The following ZNF606 variants were observed in gnomAD, a reference collection of about 807,000 sequenced individuals.
ZNF606 encodes zinc finger protein 328.
ZNF606 carries 37 observed loss-of-function variants against 74.9 expected under a neutral mutation model. The observed-to-expected ratio is 0.49, with a 90% confidence interval of 0.38 to 0.65. The LOEUF (loss-of-function observed/expected upper bound fraction) is 0.65, where lower values mean the gene tolerates loss of function less well. Among genes scored for constraint, ZNF606 ranks in the 30% least tolerant of loss-of-function variants. The pLI, the probability that ZNF606 is intolerant of heterozygous loss-of-function variation, is 0.00. For synonymous variants in ZNF606, 328 were observed against 312.4 expected (o/e 1.05, Z -0.53); for missense variants, 852 against 952.9 (o/e 0.89, Z 1.39).
In ZNF606 at chr19:57,979,072, T is replaced by A. The variant is rs779150396; in HGVS notation, c.1608A>T (p.Gly536=). The A allele has an allele frequency of 1.9e-6, 3 of 1,614,064 alleles. No individual in the cohort carries two copies. In the East Asian group the frequency reaches 6.7e-5, roughly 36 times the overall value. The stretch of plus-strand genomic sequence containing the variant: ...ATTCATCACATTTAAAGGGTTTCTC[T>A]CCAGTATGCATTCTCATATGGGCAA... ...HLIAHMRMHT[G]EKPFKCDECE... is the part of the protein sequence containing the mutation. Residue 536 remains glycine (G), a synonymous_variant, in exon 7 of 7, where the codon GGA becomes GGT. Transcript: ENST00000551380.
Position 57,980,096 on chromosome 19 carries a change from C to G in ZNF606, c.584G>C (p.Arg195Thr). Residue 195 changes from arginine to threonine, a missense_variant, in exon 7 of 7, where the codon AGG becomes ACG. Coordinates refer to ENST00000551380, the MANE Select transcript of ZNF606 (RefSeq NM_001348022.3). ...TTGCTTTTGCATGAAGACCATCTGC[C>G]TCATAGCTGTACTCTGGTTCATGTG... ...MYHMNQSTAMRQMVFMQKQVL... is the reference protein window; with the variant it reads ...MYHMNQSTAMTQMVFMQKQVL... The G allele has an allele frequency of 6.2e-7, 1 of 1,613,950 alleles. No individual in the cohort carries two copies. The highest frequency in any genetic ancestry group is 8.5e-7 in the Non-Finnish European group (1 of 1,180,024).
chr19:58,002,977 G>A (rs2073468582), upstream of ZNF606: 1 of 455,856 alleles, frequency 2.2e-6, no homozygotes, highest in African/African-American at 2.0e-5. Context: ...GCCGGCGGCA[G>A]GATGGACTTT....
intron 4 of ZNF606, among the ~76,000 whole-genome samples, chr19:57,994,016 G>A (rs990875968): frequency 2.6e-5 from 4 of 152,170 alleles, no homozygotes; most frequent in African/African-American, 9.7e-5. Context: ...TAAAGCGACT[G>A]AACTAAGTAG....
At chr19:57,986,601 T>C (rs182008881) in intron 6 of ZNF606, among the ~76,000 whole-genome samples, 1 of 152,324 alleles carries the variant, frequency 6.6e-6, no homozygotes, top group East Asian at 1.9e-4. Flanking sequence ...AGCTCCTTTT[T>C]TTCAGTCTGT....
chr19:57,998,297 A>T (rs2073367035), intron 4 of ZNF606: 1 of 152,216 alleles, frequency 6.6e-6, no homozygotes, highest in African/African-American at 2.4e-5. Context: ...ACAGGAAGTT[A>T]AAAATGGCTG....
intron 4 of ZNF606, among the ~76,000 whole-genome samples, chr19:57,993,870 G>C (rs2073296951): frequency 6.6e-6 from 1 of 152,184 alleles, no homozygotes. Context: ...GGAGCACAGA[G>C]CGGAGTGGAA....
intron 1 of ZNF606, chr19:58,002,145 T>A (rs1437295938): frequency 2.2e-6 from 1 of 456,612 alleles, no homozygotes; most frequent in South Asian, 1.5e-5. Flanking sequence ...ATTTGCAACT[T>A]GACAGTGACC....
At chr19:58,000,114 A>T in intron 3 of ZNF606, 1 of 549,688 alleles carries the variant, frequency 1.8e-6, no homozygotes, top group Non-Finnish European at 3.2e-6. Flanking sequence ...ATTGGGTACC[A>T]TCTCTGAGAA....
rs989150553 is a variant in ZNF606 at position 58,001,008 on chromosome 19, T to C, written c.32-269A>G. 22 of 528,414 alleles carry C rather than the reference T, an allele frequency of 4.2e-5. 1 individual carries two copies. In the Admixed American group the frequency reaches 5.0e-4, roughly 12 times the overall value. 32.7% of individuals were successfully genotyped at this position (528,414 alleles called of 1,614,324 possible). On this transcript the variant is annotated intron_variant, in intron 2 of 6. Coordinates refer to ENST00000551380, the MANE Select transcript of ZNF606 (RefSeq NM_001348022.3). ...ATATATATGAGAGCAGTAGAGACAA[T>C]ATTTTATTATATGTATCACTGTTGT...
chr19:57,982,427 T>C (rs986568789), intron 6 of ZNF606, among the ~76,000 whole-genome samples: 7 of 152,184 alleles, frequency 4.6e-5, no homozygotes. Context: ...TTTACTCTCA[T>C]CTGAAGGTCC....
In ZNF606 at chr19:58,000,745, CAGA is replaced by C; in HGVS notation, c.32-9_32-7del. On this transcript the variant is annotated splice_polypyrimidine_tract_variant and splice_region_variant and intron_variant, in intron 2 of 6. Transcript: ENST00000551380. The stretch of plus-strand genomic sequence containing the variant: ...AGATTGGTCCGTAAGGGCACCTGCA[CAGA>C]AGGATCAGGTTAGGACTGTGACACC... The C allele has an allele frequency of 2.1e-5, 34 of 1,585,970 alleles. No homozygotes were observed. The highest frequency in any genetic ancestry group is 1.7e-4 in the South Asian group (15 of 86,280).
chr19:57,982,678 G>T (rs1052679824), intron 6 of ZNF606, among the ~76,000 whole-genome samples: 1 of 152,020 alleles, frequency 6.6e-6, no homozygotes, highest in African/African-American at 2.4e-5. Context: ...GTCTCACTCA[G>T]GCAGGAGTGC....
intron 3 of ZNF606, 77 bp downstream of exon 3, chr19:58,000,606 A>C: frequency 6.7e-7 from 1 of 1,493,218 alleles, no homozygotes; most frequent in South Asian, 1.1e-5. Flanking sequence ...TCCCCATTCT[A>C]TTCCCCAGCT....
rs781781353 is a variant in ZNF606 at position 57,979,929 on chromosome 19, A to G, written c.751T>C (p.Ser251Pro). ...ACCTTATCTGCATACATTATGGCTG[A>G]GTCACATCTCCAACTTTGAGCATGT... ...DTHAQSWRCD[S>P]AIMYADKVTC... The change falls in exon 7 of 7, where the codon TCA becomes CCA. Residue 251 changes from serine to proline, a missense_variant. Transcript: ENST00000551380. 2 of 1,614,046 alleles carry G rather than the reference A, an allele frequency of 1.2e-6. No homozygotes were observed. Among genetic ancestry groups the G allele is most frequent in the Admixed American group, 1.7e-5 (1 of 60,022 alleles).
rs993192711 is a variant in ZNF606, at chr19:58,001,151, C to T, written c.31+138G>A. ...TGCCAACAATTTTCCTCCTTTACCA[C>T]CAATCAGTTCTAATTTTGTACCAAG... On this transcript the variant is annotated intron_variant, in intron 2 of 6. Coordinates refer to ENST00000551380, the MANE Select transcript of ZNF606 (RefSeq NM_001348022.3). The T allele has an allele frequency of 5.0e-6, 5 of 997,552 alleles. No individual in the cohort carries two copies. The Admixed American group carries it at 1.1e-4, about 21-fold the overall frequency. 61.8% of individuals were successfully genotyped at this position (997,552 alleles called of 1,614,324 possible). A position where few individuals can be genotyped will look rare whatever the true frequency, so the allele number is the denominator to read the frequency against.
At chr19:58,000,494 T>C (rs1186993529) in intron 3 of ZNF606, 189 bp downstream of exon 3, 1 of 684,338 alleles carries the variant, frequency 1.5e-6, no homozygotes, top group Non-Finnish European at 2.7e-6. Flanking sequence ...CAAAGTGCTG[T>C]AGGCGTGAGT....
At chr19:57,984,821 G>A (rs951951332) in intron 6 of ZNF606, among the ~76,000 whole-genome samples, 22 of 152,198 alleles carry the variant, frequency 1.4e-4, no homozygotes, top group Admixed American at 1.4e-3. Flanking sequence ...TAGGCCAGGC[G>A]CAGTGGCTCA....
Position 57,978,737 on chromosome 19 carries a change from C to G in ZNF606, c.1943G>C (p.Gly648Ala). Residue 648 changes from glycine to alanine, a missense_variant, in exon 7 of 7, where the codon GGA becomes GCA. Coordinates refer to ENST00000551380, the MANE Select transcript of ZNF606 (RefSeq NM_001348022.3). The surrounding 1 kb of genome is among the most constrained non-coding windows in gnomAD (Gnocchi z 4.4). ...TTTATTGCATTCATAGGGTTTTTCT[C>G]CAGTATGAGTCCTTTGATGTCTAAC... ...HLVRHQRTHT[G>A]EKPYECNKCG... is the part of the protein sequence containing the mutation. 1 of 1,614,202 alleles carries G rather than the reference C, an allele frequency of 6.2e-7. No homozygotes were observed. Among genetic ancestry groups the G allele is most frequent in the Non-Finnish European group, 8.5e-7 (1 of 1,180,040 alleles).
intron 6 of ZNF606, among the ~76,000 whole-genome samples, chr19:57,984,964 G>A (rs776244630): frequency 5.9e-5 from 9 of 151,914 alleles, no homozygotes; most frequent in Non-Finnish European, 7.4e-5. Context: ...GCGTGGTGTC[G>A]GGCGCCTGTA....
Sources: allele counts gnomAD v4.1 joint callset (sites outside exome capture counted in the v4.1 genomes callset), GRCh38; gene constraint gnomAD v4.1.1; non-coding constraint Gnocchi (gnomAD v3.1); transcripts MANE v1.5; gene names NCBI Gene and HGNC (gene_info 2026-07-23, HGNC 2026-07-21).